Variants in SLC38A1 observed in about 807,000 individuals in gnomAD.
SLC38A1 encodes the protein solute carrier family 38 member 1.
SLC38A1 carries 18 observed loss-of-function variants against 60.3 expected under a neutral mutation model. The observed-to-expected ratio is 0.30, with a 90% CI of 0.21 to 0.44. SLC38A1 has a LOEUF of 0.44. Among genes scored for constraint, SLC38A1 ranks in the 20% least tolerant of loss-of-function variants. SLC38A1 has a pLI of 1.00. For synonymous variants in SLC38A1, 196 were observed against 212.1 expected, an observed-to-expected ratio of 0.92 and a Z score of 0.66; for missense variants, 448 against 587.2, an observed-to-expected ratio of 0.76 and a Z score of 2.45.
rs575282164 is a variant in SLC38A1 at position 46,227,264 on chromosome 12, A to C, written c.314+1889T>G. Among the ~76,000 whole-genome samples the C allele has an allele frequency of 1.2e-3, 177 of 152,348 alleles. 1 individual carries two copies. Among genetic ancestry groups the C allele is most frequent in the African/African-American group, 4.1e-3 (172 of 41,586 alleles). ...ATATTTTTCAGAAATAAAGGTCTCA[A>C]AAATTTTATTTTCAGTCACCTTTTC... On this transcript the variant is annotated intron_variant, in intron 5 of 16. Coordinates refer to ENST00000398637, the MANE Select transcript of SLC38A1 (RefSeq NM_030674.4).
chr12:46,192,579 G>T (rs998604492), intron 16 of SLC38A1, among the ~76,000 whole-genome samples: 1 of 151,966 alleles, frequency 6.6e-6, no homozygotes, highest in Non-Finnish European at 1.5e-5. Flanking sequence ...TTTTTGGTTG[G>T]TAGGCTATTA....
intron 5 of SLC38A1, among the ~76,000 whole-genome samples, chr12:46,215,631 C>G (rs927625070): frequency 4.6e-5 from 7 of 152,184 alleles, no homozygotes; most frequent in Non-Finnish European, 1.0e-4. Context: ...TGATCTCAAA[C>G]TCCTGACCTC....
At chr12:46,201,020 T>G in intron 13 of SLC38A1, 78 bp downstream of exon 13, 1 of 1,073,950 alleles carries the variant, frequency 9.3e-7, no homozygotes, top group Non-Finnish European at 1.4e-6. Context: ...GCCTTTCATG[T>G]TAAAAGTTAT....
intron 16 of SLC38A1, among the ~76,000 whole-genome samples, chr12:46,193,964 G>T (rs1939257470): frequency 6.6e-6 from 1 of 152,158 alleles, no homozygotes; most frequent in African/African-American, 2.4e-5. Context: ...GTTTGAATTT[G>T]ATCCTGTCAT....
intron 11 of SLC38A1, among the ~76,000 whole-genome samples, chr12:46,203,633 G>A (rs1033341528): frequency 2.0e-5 from 3 of 152,128 alleles, no homozygotes; most frequent in East Asian, 1.9e-4. Context: ...GAGAAAGATC[G>A]CGATCTATTT....
intron 1 of SLC38A1, chr12:46,267,314 G>GGTTTCTAA (rs1942383703): frequency 6.6e-6 from 1 of 152,218 alleles, no homozygotes; most frequent in South Asian, 2.1e-4. Flanking sequence ...GCGGCAGTTA[G>GGTTTCTAA]GTTTCTAACA....
At chr12:46,266,107 C>CAAT (rs1051819582) in intron 1 of SLC38A1, among the ~76,000 whole-genome samples, 2 of 152,070 alleles carry the variant, frequency 1.3e-5, no homozygotes, top group African/African-American at 4.8e-5. Flanking sequence ...AAGGGATGGC[C>CAAT]AATAATATCA....
intron 1 of SLC38A1, among the ~76,000 whole-genome samples, chr12:46,259,775 C>T (rs1942143178): frequency 6.6e-6 from 1 of 152,264 alleles, no homozygotes; most frequent in Non-Finnish European, 1.5e-5. Context: ...CCTTGTTTCT[C>T]TACTTCCTCT....
At chr12:46,194,417 G>T (rs763447639) in intron 16 of SLC38A1, among the ~76,000 whole-genome samples, 2 of 152,058 alleles carry the variant, frequency 1.3e-5, no homozygotes, top group Non-Finnish European at 2.9e-5. Flanking sequence ...GTGTCTTGGG[G>T]TTGCTCTTCT....
chr12:46,253,358 C>T (rs1237588248), intron 1 of SLC38A1, among the ~76,000 whole-genome samples: 1 of 152,208 alleles, frequency 6.6e-6, no homozygotes, highest in African/African-American at 2.4e-5. Flanking sequence ...GACAGAGCGG[C>T]CCCAAGGGCT....
Position 46,184,853 on chromosome 12 carries a change from A to C in SLC38A1, c.*4117T>G, listed in dbSNP as rs1938882344. 1 of 152,308 alleles carries C rather than the reference A, an allele frequency of 6.6e-6. No homozygotes were observed. The highest frequency in any genetic ancestry group is 2.4e-5 in the African/African-American group (1 of 41,572). 9.4% of individuals were successfully genotyped at this position (152,308 alleles called of 1,614,324 possible). A position where few individuals can be genotyped will look rare whatever the true frequency, so the allele number is the denominator to read the frequency against. ...ATTTCCTCACAGCTTTAAAAAATAA[A>C]ATATTATCATGCCTCAGCCCGAGGT... On this transcript the variant is annotated 3_prime_UTR_variant, in exon 17 of 17. Transcript: ENST00000398637.
In SLC38A1 at chr12:46,202,782, T is replaced by G. The variant is rs935205423; in HGVS notation, c.902+228A>C. 3.9e-5 allele frequency among the ~76,000 whole-genome samples: 6 copies of G among 152,212 alleles called. No individual in the cohort carries two copies. The East Asian group carries it at 9.6e-4, about 24-fold the overall frequency. On this transcript the variant is annotated intron_variant, in intron 12 of 16. Transcript: ENST00000398637. The stretch of plus-strand genomic sequence containing the variant: ...GAAAAAGCCCACATGGTTGGCTACT[T>G]TTTATGTTTATGGCCCCCCAAAATA...
At chr12:46,189,809 T>C (rs533834414) in intron 16 of SLC38A1, among the ~76,000 whole-genome samples, 1 of 152,312 alleles carries the variant, frequency 6.6e-6, no homozygotes, top group South Asian at 2.1e-4. Flanking sequence ...ACATGCGCTC[T>C]GCCTGCCACC....
chr12:46,195,973 G>A, intron 16 of SLC38A1: 1 of 583,826 alleles, frequency 1.7e-6, no homozygotes, highest in Non-Finnish European at 2.9e-6. Flanking sequence ...TGTCCAACCA[G>A]TCCCAGTGAG....
chr12:46,217,193 A>G (rs999517617), intron 5 of SLC38A1, among the ~76,000 whole-genome samples: 5 of 152,174 alleles, frequency 3.3e-5, no homozygotes, highest in Non-Finnish European at 5.9e-5. Context: ...AGATAAGGTA[A>G]ATAAGGTAAC....
intron 5 of SLC38A1, among the ~76,000 whole-genome samples, chr12:46,222,424 C>G (rs1940695492): frequency 2.0e-5 from 3 of 152,138 alleles, no homozygotes; most frequent in Non-Finnish European, 4.4e-5. Flanking sequence ...ACCCTCCTTC[C>G]ATGCTCACTT....
rs752388022 is a variant in SLC38A1 at position 46,246,354 on chromosome 12, A to G, written c.-208-3040T>C. Reference sequence around the variant, plus strand: ...AGCAAACAGCAAACCAGGAGATTGTATCCTGCGCCTGGATCGGCAGGTCCC... The same window carrying G: ...AGCAAACAGCAAACCAGGAGATTGTGTCCTGCGCCTGGATCGGCAGGTCCC... On this transcript the variant is annotated intron_variant, in intron 1 of 16. Coordinates refer to ENST00000398637, the MANE Select transcript of SLC38A1 (RefSeq NM_030674.4). 7.0e-4 allele frequency among the ~76,000 whole-genome samples: 106 copies of G among 152,374 alleles called. 1 individual carries two copies. Among genetic ancestry groups the G allele is most frequent in the Admixed American group, 2.6e-4 (4 of 15,310 alleles).
intron 16 of SLC38A1, 150 bp from the exon 17 acceptor site, chr12:46,189,221 T>C (rs773023926): frequency 4.8e-5 from 28 of 587,556 alleles, no homozygotes; most frequent in Non-Finnish European, 8.5e-5. Context: ...GTGAGAATCT[T>C]TCTAAAATTT....
chr12:46,209,617 T>G (rs11615731), intron 5 of SLC38A1, among the ~76,000 whole-genome samples: 11,988 of 152,300 alleles, frequency 0.079, 630 homozygotes, highest in South Asian at 0.14. Context: ...ATGTCTAGGG[T>G]TCTTTTCATC....
Sources: gnomAD v4.1 joint callset for allele counts (sites outside exome capture counted in the v4.1 genomes callset) on GRCh38, gnomAD v4.1.1 for gene constraint, MANE v1.5 for transcripts, NCBI Gene and HGNC (gene_info 2026-07-23, HGNC 2026-07-21) for gene names.